SLC38A9: variants seen among roughly 807,000 people sequenced by gnomAD.
SLC38A9 encodes solute carrier family 38 member 9, also known as neutral amino acid transporter 9.
Under a neutral mutation model 62.3 loss-of-function variants are expected in SLC38A9, and 48 were observed. The ratio of observed to expected loss-of-function variants is 0.77; its 90% CI spans 0.61 to 0.98. The LOEUF (loss-of-function observed/expected upper bound fraction) is 0.98, where lower values mean the gene tolerates loss of function less well. Ranked by LOEUF, SLC38A9 falls within the 50% of genes least tolerant of loss-of-function variation. The pLI, the probability that SLC38A9 is intolerant of heterozygous loss-of-function variation, is 0.00. For missense variants in SLC38A9, 541 were observed against 679.8 expected (o/e 0.80, Z 2.27); for synonymous variants, 204 against 227.7 (o/e 0.90, Z 0.94).
chr5:55,685,279 G>A (rs1477218167), intron 3 of SLC38A9, among the ~76,000 whole-genome samples: 3 of 151,964 alleles, frequency 2.0e-5, no homozygotes, highest in Non-Finnish European at 4.4e-5. Flanking sequence ...CCTTTCCCCA[G>A]CCCCTGGAAA....
intron 6 of SLC38A9, 22 bp from the exon 7 acceptor site, chr5:55,669,343 A>G (rs1441185508): frequency 6.4e-7 from 1 of 1,569,570 alleles, no homozygotes; most frequent in Non-Finnish European, 8.7e-7. Flanking sequence ...TAAAAGTATA[A>G]AACAGCATAT....
intron 13 of SLC38A9, chr5:55,634,313 G>C (rs28579123): frequency 0.048 from 7,475 of 154,636 alleles, 310 homozygotes; most frequent in African/African-American, 0.11. Context: ...CTCTGGCTCT[G>C]CTGCTTTCCT....
chr5:55,677,559 T>C (rs950799421), intron 3 of SLC38A9, among the ~76,000 whole-genome samples: 2 of 152,090 alleles, frequency 1.3e-5, no homozygotes, highest in Non-Finnish European at 2.9e-5. Flanking sequence ...TGTTTTGAGA[T>C]AGGGTTCCAT....
At chr5:55,665,125 A>AGGT (rs750943301) in intron 7 of SLC38A9, 25 of 194,440 alleles carry the variant, frequency 1.3e-4, no homozygotes, top group Non-Finnish European at 2.5e-4. Flanking sequence ...TGATAAACTA[A>AGGT]GGTTAGACAA....
At chr5:55,674,505 T>C (rs7706158) in intron 3 of SLC38A9, among the ~76,000 whole-genome samples, 91,121 of 151,928 alleles carry the variant, frequency 0.6, 27,907 homozygotes, top group South Asian at 0.7. Flanking sequence ...TCCCTTCCTT[T>C]CCCCTACCCT....
intron 10 of SLC38A9, among the ~76,000 whole-genome samples, chr5:55,651,547 C>G (rs1194573346): frequency 2.0e-5 from 3 of 151,902 alleles, no homozygotes; most frequent in Non-Finnish European, 2.9e-5. Context: ...CACACCTGGC[C>G]CCTTTTGCCA....
At chr5:55,651,246 A>AT (rs1371252740) in intron 10 of SLC38A9, among the ~76,000 whole-genome samples, 2 of 114,100 alleles carry the variant, frequency 1.8e-5, no homozygotes, top group African/African-American at 3.4e-5. Flanking sequence ...TCCTTTTGCC[A>AT]TCTTTTTTTT....
intron 2 of SLC38A9, among the ~76,000 whole-genome samples, chr5:55,706,995 G>T (rs67615608): frequency 0.097 from 14,690 of 151,008 alleles, 1,201 homozygotes; most frequent in African/African-American, 0.22. Context: ...AGGCTGGAGT[G>T]CAGTAGTGCC....
intron 3 of SLC38A9, chr5:55,693,576 G>A (rs1755031196): frequency 6.6e-6 from 1 of 152,160 alleles, no homozygotes; most frequent in Non-Finnish European, 1.5e-5. Context: ...TAGGCTGCTG[G>A]CATTTTAGGG....
chr5:55,665,007 A>G lies in SLC38A9; in HGVS notation c.527-144T>C, dbSNP rs894558599. The G allele has an allele frequency of 5.1e-4, 211 of 414,416 alleles. 2 individuals are homozygous for G. Among genetic ancestry groups the G allele is most frequent in the Non-Finnish European group, 1.8e-4 (41 of 233,842 alleles). 25.7% of individuals were successfully genotyped at this position (414,416 alleles called of 1,614,324 possible). Reference sequence around the variant, plus strand: ...AGACATTAGAATATATTATAAGATAATAAAATTAAAACATTATAGAAAAAT... The same window carrying G: ...AGACATTAGAATATATTATAAGATAGTAAAATTAAAACATTATAGAAAAAT... On this transcript the variant is annotated intron_variant, in intron 7 of 15. Coordinates refer to ENST00000396865, the MANE Select transcript of SLC38A9 (RefSeq NM_173514.4).
intron 12 of SLC38A9, among the ~76,000 whole-genome samples, chr5:55,637,546 C>A (rs1744639417): frequency 6.6e-6 from 1 of 152,166 alleles, no homozygotes; most frequent in Admixed American, 6.5e-5. Context: ...ATTTTTTCTT[C>A]AAATGTGTCT....
At position 55,692,848 on chromosome 5, in the gene SLC38A9, T is replaced by G. The variant is rs887576638; in HGVS notation, c.113+4998A>C. The G allele has an allele frequency of 1.7e-5, 17 of 981,294 alleles. No individual in the cohort carries two copies. The South Asian group carries it at 8.0e-4, about 46-fold the overall frequency. The allele number at this position is 981,294 out of a possible 1,614,324, so 60.8% of individuals were successfully genotyped here. On this transcript the variant is annotated intron_variant, in intron 3 of 15. Coordinates refer to ENST00000396865, the MANE Select transcript of SLC38A9 (RefSeq NM_173514.4). ...AGTCAGCATTCATTAGTGCTTATAT[T>G]TACTGACATTGGATTATATAAGTAA...
chr5:55,648,158 G>GA (rs1451644239), intron 11 of SLC38A9, among the ~76,000 whole-genome samples: 5 of 152,192 alleles, frequency 3.3e-5, no homozygotes, highest in Non-Finnish European at 7.3e-5. Flanking sequence ...AGAATCACTT[G>GA]AACCTGGGAG....
intron 3 of SLC38A9, among the ~76,000 whole-genome samples, chr5:55,676,799 T>C (rs1399616186): frequency 6.6e-6 from 1 of 151,996 alleles, no homozygotes; most frequent in East Asian, 1.9e-4. Context: ...ACTTAATTTA[T>C]CTCCCTTCAA....
At chr5:55,629,766 A>C (rs1429972402) in intron 14 of SLC38A9, among the ~76,000 whole-genome samples, 1 of 152,230 alleles carries the variant, frequency 6.6e-6, no homozygotes, top group Non-Finnish European at 1.5e-5. Flanking sequence ...GCCAAAGATA[A>C]AATTAAAGTT....
intron 2 of SLC38A9, among the ~76,000 whole-genome samples, chr5:55,708,074 G>A (rs1757517740): frequency 6.6e-6 from 1 of 152,184 alleles, no homozygotes; most frequent in South Asian, 2.1e-4. Flanking sequence ...CTAGCCTCAA[G>A]TATTTCATTA....
chr5:55,663,589 T>G (rs1749990537), intron 8 of SLC38A9, among the ~76,000 whole-genome samples: 1 of 151,798 alleles, frequency 6.6e-6, no homozygotes, highest in Non-Finnish European at 1.5e-5. Context: ...AAAAATTAGC[T>G]GAGTGTTACC....
Position 55,709,548 on chromosome 5 carries a change from C to G in SLC38A9, c.-35+1904G>C, listed in dbSNP as rs573497578. On this transcript the variant is annotated intron_variant, in intron 2 of 15. Coordinates refer to ENST00000396865, the MANE Select transcript of SLC38A9 (RefSeq NM_173514.4). ...AGTTAGCTATGACAGTGCCACTGCA[C>G]TAAAGCTTGAGTATCAGAGCAAAAC... 2.0e-5 allele frequency among the ~76,000 whole-genome samples: 3 copies of G among 151,280 alleles called. No homozygotes were observed. In the East Asian group the frequency reaches 5.8e-4, roughly 29 times the overall value.
intron 3 of SLC38A9, among the ~76,000 whole-genome samples, chr5:55,690,811 G>A (rs1216404052): frequency 1.3e-5 from 2 of 152,190 alleles, no homozygotes; most frequent in East Asian, 1.9e-4. Context: ...AATCTGAGAT[G>A]TGGAGTTAGA....
Sources: allele counts gnomAD v4.1 joint callset (sites outside exome capture counted in the v4.1 genomes callset), GRCh38; gene constraint gnomAD v4.1.1; transcripts MANE v1.5; gene names NCBI Gene and HGNC (gene_info 2026-07-23, HGNC 2026-07-21).